The following WHR1 variants were observed in gnomAD, a reference collection of about 807,000 sequenced individuals.
The protein encoded by WHR1 is MHC class III HLA-RP1.
chr6:31,980,154 A>G, the WHR1 span: 2 of 425,616 alleles, frequency 4.7e-6, no homozygotes, highest in Non-Finnish European at 8.4e-6. Flanking sequence ...CCTAAGACCG[A>G]ATGTGTGTCA....
the WHR1 span, among the ~76,000 whole-genome samples, chr6:31,977,253 C>T: frequency 6.6e-6 from 1 of 151,858 alleles, no homozygotes; most frequent in Non-Finnish European, 1.5e-5. Flanking sequence ...CTCACTGCAA[C>T]CTCTGCCTCC....
the WHR1 span, chr6:31,980,446 C>T: frequency 3.1e-6 from 5 of 1,611,358 alleles, no homozygotes; most frequent in Non-Finnish European, 4.2e-6. Context: ...TCCCACTGCC[C>T]TCAGGCATCT....
the WHR1 span, chr6:31,972,449 T>G: frequency 2.5e-6 from 4 of 1,612,994 alleles, no homozygotes; most frequent in Non-Finnish European, 3.4e-6. This position sits in a 1 kb window ranked among gnomAD's most constrained non-coding sequence, Gnocchi z 6.3. Context: ...CCGGAGACCT[T>G]TGGAGTTAAG....
At chr6:31,980,390 A>G in the WHR1 span, 1 of 1,419,976 alleles carries the variant, frequency 7.0e-7, no homozygotes, top group Middle Eastern at 2.0e-4. Context: ...TTAATGGATG[A>G]GGAGGAGAGA....
the WHR1 span, chr6:31,972,174 A>G: frequency 1.9e-6 from 3 of 1,611,904 alleles, no homozygotes; most frequent in African/African-American, 4.0e-5. The surrounding 1 kb of genome is among the most constrained non-coding windows in gnomAD (Gnocchi z 6.3). Flanking sequence ...GAGGGAGCCA[A>G]TCCGCGGCCG....
chr6:31,972,982 T>C, the WHR1 span: 1 of 782,668 alleles, frequency 1.3e-6, no homozygotes, highest in Non-Finnish European at 2.2e-6. The surrounding 1 kb of genome is among the most constrained non-coding windows in gnomAD (Gnocchi z 6.3). Context: ...AACCGAGTCA[T>C]GGGGCATGGT....
chr6:31,978,290 C>A, the WHR1 span, among the ~76,000 whole-genome samples: 1 of 151,776 alleles, frequency 6.6e-6, no homozygotes, highest in African/African-American at 2.4e-5. Flanking sequence ...CCACGCCTGG[C>A]TGTTTTTACA....
At chr6:31,977,040 A>G in the WHR1 span, among the ~76,000 whole-genome samples, 4 of 152,210 alleles carry the variant, frequency 2.6e-5, no homozygotes, top group African/African-American at 9.6e-5. Flanking sequence ...CGTGGAAAGG[A>G]TAATTCCACT....
At chr6:31,971,808 G>A in the WHR1 span, 12 of 1,310,702 alleles carry the variant, frequency 9.2e-6, no homozygotes, top group African/African-American at 1.5e-5. This position sits in a 1 kb window ranked among gnomAD's most constrained non-coding sequence, Gnocchi z 4.5. Flanking sequence ...CCCCTCAGAC[G>A]CCACCGCGGC....
the WHR1 span, among the ~76,000 whole-genome samples, chr6:31,978,177 T>C: frequency 6.6e-6 from 1 of 152,202 alleles, no homozygotes; most frequent in Admixed American, 6.5e-5. Context: ...GGTCTCACTG[T>C]GTTGCCCAGT....
chr6:31,978,479 A>G, the WHR1 span, among the ~76,000 whole-genome samples: 1 of 152,182 alleles, frequency 6.6e-6, no homozygotes, highest in Non-Finnish European at 1.5e-5. Flanking sequence ...GATTTTAGTT[A>G]ATTTTCAACA....
At chr6:31,978,453 T>G in the WHR1 span, among the ~76,000 whole-genome samples, 1 of 152,212 alleles carries the variant, frequency 6.6e-6, no homozygotes, top group Admixed American at 6.5e-5. Flanking sequence ...AATTTTAAAA[T>G]AACATTTTTA....
chr6:31,978,031 A>G, the WHR1 span, among the ~76,000 whole-genome samples: 1 of 151,330 alleles, frequency 6.6e-6, no homozygotes, highest in African/African-American at 2.4e-5. Flanking sequence ...CAGGTGATCC[A>G]CCCACGTCAG....
the WHR1 span, chr6:31,978,896 G>C: frequency 2.5e-6 from 4 of 1,612,420 alleles, no homozygotes; most frequent in Non-Finnish European, 3.4e-6. Flanking sequence ...CTTCTCTGTG[G>C]AGACAGAAGG....
chr6:31,974,284 A>C, the WHR1 span, among the ~76,000 whole-genome samples: 1 of 151,716 alleles, frequency 6.6e-6, no homozygotes, highest in Non-Finnish European at 1.5e-5. Flanking sequence ...TGTCTCAAAA[A>C]AAAAAAAAAA....
the WHR1 span, chr6:31,979,310 G>C: frequency 1.3e-6 from 2 of 1,495,130 alleles, no homozygotes; most frequent in Non-Finnish European, 9.1e-7. Flanking sequence ...GAGGTGGAAG[G>C]ATCTGAGCAA....
At chr6:31,972,594 T>C in the WHR1 span, 1 of 1,599,412 alleles carries the variant, frequency 6.3e-7, no homozygotes, top group African/African-American at 1.3e-5. The surrounding 1 kb of genome is among the most constrained non-coding windows in gnomAD (Gnocchi z 6.3). Flanking sequence ...CCCAGTTCCC[T>C]GTCCGTGAGC....
the WHR1 span, chr6:31,980,071 T>C: frequency 3.8e-6 from 1 of 265,072 alleles, no homozygotes; most frequent in South Asian, 9.6e-5. Flanking sequence ...CTCAGAGAGA[T>C]GTGGTGGGAG....
the WHR1 span, chr6:31,971,275 G>A: frequency 6.5e-7 from 1 of 1,538,356 alleles, no homozygotes; most frequent in Non-Finnish European, 8.8e-7. The surrounding 1 kb of genome is among the most constrained non-coding windows in gnomAD (Gnocchi z 4.5). Context: ...ATTTTAGAGG[G>A]TAGGTACGGG....
Sources: allele counts gnomAD v4.1 joint callset (sites outside exome capture counted in the v4.1 genomes callset), GRCh38; gene constraint gnomAD v4.1.1; non-coding constraint Gnocchi (gnomAD v3.1); transcripts MANE v1.5; gene names NCBI Gene and HGNC (gene_info 2026-07-23, HGNC 2026-07-21).